The following GALK2 variants were observed in gnomAD, a reference collection of about 807,000 sequenced individuals.
GALK2 encodes the protein N-acetylgalactosamine kinase.
In GALK2, 36 loss-of-function variants were observed where a neutral mutation model predicts 52.4. The observed-to-expected ratio is 0.69, with a 90% CI of 0.53 to 0.91. GALK2 has a LOEUF of 0.91. Among genes scored for constraint, GALK2 ranks in the 40% least tolerant of loss-of-function variants. GALK2 has a pLI of 0.00. For synonymous variants in GALK2, 176 were observed against 199.1 expected, an observed-to-expected ratio of 0.88 and a Z score of 0.98; for missense variants, 579 against 559.1, an observed-to-expected ratio of 1.04 and a Z score of -0.36.
At chr15:49,277,751 G>A (rs780987739) in intron 5 of GALK2, among the ~76,000 whole-genome samples, 33 of 151,160 alleles carry the variant, frequency 2.2e-4, no homozygotes, top group Non-Finnish European at 3.4e-4. Context: ...AGCCGAGATT[G>A]AGCCACTGCA....
rs1555409030 is a variant in GALK2, at chr15:49,228,682, T to TATATATATAC, written c.267-7163_267-7162insATACATATAT. 6.5e-3 allele frequency among the ~76,000 whole-genome samples: 94 copies of TATATATATAC among 14,556 alleles called. 16 individuals are homozygous for TATATATATAC. The highest frequency in any genetic ancestry group is 0.025 in the African/African-American group (88 of 3,494). The allele number at this position is 14,556 out of a possible 152,430, so 9.5% of individuals were successfully genotyped here. A position where few individuals can be genotyped will look rare whatever the true frequency, so the allele number is the denominator to read the frequency against. ...ACTGATATATATATATATATATATA[T>TATATATATAC]ATATATTTTTTTTTTTTTTTTTTTT... On this transcript the variant is annotated intron_variant, in intron 3 of 9. Coordinates refer to ENST00000560031, the MANE Select transcript of GALK2 (RefSeq NM_002044.4).
intron 3 of GALK2, among the ~76,000 whole-genome samples, chr15:49,231,540 CA>C (rs1487658326): frequency 6.6e-6 from 1 of 152,168 alleles, no homozygotes; most frequent in African/African-American, 2.4e-5. Context: ...TAACTCATTC[CA>C]GCATTAACTT....
At chr15:49,196,615 A>C (rs946558236) in intron 1 of GALK2, among the ~76,000 whole-genome samples, 6 of 152,144 alleles carry the variant, frequency 3.9e-5, no homozygotes, top group Non-Finnish European at 7.4e-5. Context: ...ATATGTATAC[A>C]TCCATAAAAT....
chr15:49,309,479 A>G (rs889612634), intron 8 of GALK2, among the ~76,000 whole-genome samples: 12 of 152,176 alleles, frequency 7.9e-5, no homozygotes, highest in Non-Finnish European at 1.3e-4. Context: ...GCATATTTAT[A>G]GGGTACAGAG....
At chr15:49,358,602 G>A (rs1476725843) in intron 3 of GALK2, among the ~76,000 whole-genome samples, 1 of 149,302 alleles carries the variant, frequency 6.7e-6, no homozygotes, top group East Asian at 2.0e-4. Flanking sequence ...ACAAACAAAT[G>A]GAAGAACATT....
intron 8 of GALK2, among the ~76,000 whole-genome samples, chr15:49,293,346 T>C (rs2034133522): frequency 6.6e-6 from 1 of 152,228 alleles, no homozygotes; most frequent in South Asian, 2.1e-4. Flanking sequence ...GAAGTAGGGA[T>C]TGGGTTTTAG....
intron 5 of GALK2, among the ~76,000 whole-genome samples, chr15:49,240,442 T>G (rs2091040547): frequency 6.6e-6 from 1 of 152,216 alleles, no homozygotes; most frequent in African/African-American, 2.4e-5. Context: ...GTCTCAACTT[T>G]CACTATGCTT....
At chr15:49,170,235 A>G, upstream of GALK2, 1 of 1,536,546 alleles carries the variant, frequency 6.5e-7, no homozygotes, top group Non-Finnish European at 8.8e-7. Context: ...CCGGAAGAAA[A>G]CGGCTCCTGT....
chr15:49,224,774 C>G (rs562434592), intron 3 of GALK2, among the ~76,000 whole-genome samples: 1 of 152,236 alleles, frequency 6.6e-6, no homozygotes, highest in South Asian at 2.1e-4. Flanking sequence ...TGTGATAACT[C>G]CAATTTTTTT....
intron 3 of GALK2, among the ~76,000 whole-genome samples, chr15:49,351,618 A>G (rs914448851): frequency 6.6e-6 from 1 of 152,246 alleles, no homozygotes; most frequent in Non-Finnish European, 1.5e-5. Context: ...AAGCGGACCT[A>G]AAGACAAAGA....
intron 8 of GALK2, among the ~76,000 whole-genome samples, chr15:49,306,667 A>T (rs1322679245): frequency 6.6e-6 from 1 of 152,200 alleles, no homozygotes; most frequent in Admixed American, 6.5e-5. Context: ...AAGCATGACC[A>T]TGTTTCTCAT....
At chr15:49,203,695 T>A (rs2087992861) in intron 2 of GALK2, among the ~76,000 whole-genome samples, 14 of 152,368 alleles carry the variant, frequency 9.2e-5, no homozygotes, top group Non-Finnish European at 1.6e-4. Flanking sequence ...TTTAAATTCA[T>A]TTTTATAAAT....
At chr15:49,185,582 A>G (rs1334695207) in intron 1 of GALK2, 1 of 152,226 alleles carries the variant, frequency 6.6e-6, no homozygotes, top group Non-Finnish European at 1.5e-5. Context: ...ATTTCCATCA[A>G]CAGTGTATAA....
At chr15:49,201,275 A>C (rs763053477) in intron 2 of GALK2, 25 bp downstream of exon 2, 2 of 1,326,928 alleles carry the variant, frequency 1.5e-6, no homozygotes, top group Non-Finnish European at 2.1e-6. Context: ...CCTTCTCTTA[A>C]TTTTTTTCTT....
rs568428457 is a variant in GALK2, at chr15:49,243,745, A to G, written c.504+4378A>G. Reference sequence around the variant, plus strand: ...GAAAATGTTAAGTCCTTGAAAAATAATAGTGTTACTTTTTTAAAAAAGGAA... The same window carrying G: ...GAAAATGTTAAGTCCTTGAAAAATAGTAGTGTTACTTTTTTAAAAAAGGAA... On this transcript the variant is annotated intron_variant, in intron 5 of 9. Coordinates refer to ENST00000560031, the MANE Select transcript of GALK2 (RefSeq NM_002044.4). Among the ~76,000 whole-genome samples, 12 of 152,294 alleles carry G rather than the reference A, an allele frequency of 7.9e-5. No homozygotes were observed. In the South Asian group the frequency reaches 2.1e-3, roughly 26 times the overall value.
intron 1 of GALK2, among the ~76,000 whole-genome samples, chr15:49,188,057 G>A (rs2141249265): frequency 6.6e-6 from 1 of 152,272 alleles, no homozygotes; most frequent in East Asian, 1.9e-4. Flanking sequence ...CAAGGCCTAT[G>A]ACAAGTACTG....
At chr15:49,260,282 G>A (rs2092036250) in intron 5 of GALK2, among the ~76,000 whole-genome samples, 2 of 152,148 alleles carry the variant, frequency 1.3e-5, no homozygotes, top group Admixed American at 6.5e-5. Flanking sequence ...TCTAACTGGT[G>A]TGAGATGGTA....
intron 5 of GALK2, among the ~76,000 whole-genome samples, chr15:49,273,078 G>T (rs548223050): frequency 6.6e-6 from 1 of 152,306 alleles, no homozygotes; most frequent in Non-Finnish European, 1.5e-5. Context: ...ACAGATAGAA[G>T]AGTGTACTGT....
chr15:49,187,517 AG>A (rs2086443822), intron 1 of GALK2, among the ~76,000 whole-genome samples: 1 of 152,004 alleles, frequency 6.6e-6, no homozygotes, highest in Non-Finnish European at 1.5e-5. Context: ...TAGGGTGATG[AG>A]CTCCCCCTAA....
Sources: allele counts gnomAD v4.1 joint callset (sites outside exome capture counted in the v4.1 genomes callset), GRCh38; gene constraint gnomAD v4.1.1; transcripts MANE v1.5; gene names NCBI Gene and HGNC (gene_info 2026-07-23, HGNC 2026-07-21).